The following LIG1 variants were observed in gnomAD, a reference collection of about 807,000 sequenced individuals.
The protein encoded by LIG1 is ligase I, DNA, ATP-dependent.
A neutral mutation model predicts 115.7 loss-of-function variants in LIG1; 70 were observed. The ratio of observed to expected loss-of-function variants is 0.60; its 90% CI spans 0.50 to 0.74. The LOEUF (loss-of-function observed/expected upper bound fraction) is 0.74. Ranked by LOEUF, LIG1 falls within the 30% of genes least tolerant of loss-of-function variation. The pLI, the probability that LIG1 is intolerant of heterozygous loss-of-function variation, is 0.00. For missense variants in LIG1, 1,115 were observed against 1,225.6 expected (o/e 0.91, Z 1.35); for synonymous variants, 487 against 495.3 (o/e 0.98, Z 0.22).
chr19:48,155,140 A>G (rs1237887387), intron 5 of LIG1, among the ~76,000 whole-genome samples: 1 of 151,952 alleles, frequency 6.6e-6, no homozygotes, highest in Non-Finnish European at 1.5e-5. Flanking sequence ...CCTCAGCCAC[A>G]CTGTGACTTC....
rs143937703 is a variant in LIG1 at position 48,161,453 on chromosome 19, C to A, written c.162G>T (p.Lys54Asn). The change falls in exon 4 of 28, where the codon AAG becomes AAT. Residue 54 changes from lysine (K) to asparagine (N), a missense_variant. Physicochemically the swap from Lys to Asn is moderately conservative, Grantham distance 94. Coordinates refer to ENST00000263274, the MANE Select transcript of LIG1 (RefSeq NM_000234.3). Reference protein sequence around the residue: ...GVVSESDSPVKRPGRKAARVL... With the variant: ...GVVSESDSPVNRPGRKAARVL... ...CCCGGGCCGCCTTCCTCCCTGGCCTCTTCACCGGAGAGTCACTCTCGGACA... is the reference window on the plus strand; with the variant it reads ...CCCGGGCCGCCTTCCTCCCTGGCCTATTCACCGGAGAGTCACTCTCGGACA... 6.2e-7 allele frequency: 1 copy of A among 1,614,180 alleles called. No homozygotes were observed. The highest frequency in any genetic ancestry group is 1.3e-5 in the African/African-American group (1 of 75,036).
chr19:48,142,444 A>AAAAAAAAAAAAAAAAAAC (rs1370125052), intron 11 of LIG1, among the ~76,000 whole-genome samples: 1,538 of 104,642 alleles, frequency 0.015, 110 homozygotes, highest in African/African-American at 0.071. Context: ...CTCCATCTCA[A>AAAAAAAAAAAAAAAAAAC]AAAAAAAAAA....
chr19:48,145,503 G>C (rs538981877), intron 9 of LIG1, among the ~76,000 whole-genome samples: 15 of 152,166 alleles, frequency 9.9e-5, no homozygotes, highest in Non-Finnish European at 1.8e-4. Flanking sequence ...GGTTGGGGGG[G>C]AGAAAGAGAC....
At chr19:48,123,489 C>T (rs562392879) in intron 21 of LIG1, 171 bp from the exon 22 acceptor site, 7 of 754,912 alleles carry the variant, frequency 9.3e-6, no homozygotes. Flanking sequence ...GAGCTTAAAG[C>T]ATGGGGCTAG....
intron 20 of LIG1, 84 bp from the exon 21 acceptor site, chr19:48,127,432 G>T (rs2033743845): frequency 1.6e-6 from 2 of 1,233,908 alleles, no homozygotes; most frequent in Admixed American, 3.6e-5. Flanking sequence ...TCATCTACCG[G>T]TCTCCCTCTC....
In LIG1 at chr19:48,130,907, T is replaced by C. The variant is rs2241721; in HGVS notation, c.1821+169A>G. ...CACCTCTAGATGTGAGAAAAAATCA[T>C]ATGGGCTTACACCACGCAGGACTGA... On this transcript the variant is annotated intron_variant, in intron 19 of 27. Transcript: ENST00000263274. Among the ~76,000 whole-genome samples the C allele has an allele frequency of 0.3, 45,906 of 152,044 alleles. 7,979 individuals are homozygous for C. Among genetic ancestry groups the C allele is most frequent in the East Asian group, 0.56 (2,854 of 5,138 alleles).
At chr19:48,165,838 C>A in intron 1 of LIG1, 1 of 586,122 alleles carries the variant, frequency 1.7e-6, no homozygotes, top group Non-Finnish European at 3.0e-6. Context: ...AGATAAGAGG[C>A]CTCCTTTACC....
intron 9 of LIG1, 84 bp from the exon 10 acceptor site, chr19:48,144,047 C>T (rs1366425542): frequency 9.1e-7 from 1 of 1,103,840 alleles, no homozygotes; most frequent in Admixed American, 1.7e-5. Context: ...GTGCCAGGCT[C>T]TGTTCAAGGC....
chr19:48,134,620 T>C (rs1243708659), intron 16 of LIG1, among the ~76,000 whole-genome samples: 3 of 152,380 alleles, frequency 2.0e-5, no homozygotes, highest in East Asian at 3.9e-4. Flanking sequence ...ATTGTGCTGC[T>C]GCACTCCAGC....
At chr19:48,142,164 G>A (rs966419772) in intron 11 of LIG1, among the ~76,000 whole-genome samples, 3 of 151,988 alleles carry the variant, frequency 2.0e-5, no homozygotes, top group Non-Finnish European at 2.9e-5. Context: ...AGGGCCGGGC[G>A]CGGTGGCTCA....
intron 11 of LIG1, among the ~76,000 whole-genome samples, chr19:48,140,575 A>C (rs186538574): frequency 6.6e-6 from 1 of 152,334 alleles, no homozygotes; most frequent in African/African-American, 2.4e-5. Flanking sequence ...CTACAAGATT[A>C]GAAATTTAGG....
chr19:48,115,707 C>T lies in LIG1; in HGVS notation c.2702G>A (p.Ser901Asn). Residue 901 changes from serine (S) to asparagine (N), a missense_variant, in exon 28 of 28, where the codon AGT (serine) becomes AAT (asparagine). Coordinates refer to ENST00000263274, the MANE Select transcript of LIG1 (RefSeq NM_000234.3). ...AQVACLYRKQ[S>N]QIQNQQGEDS... ...CTCGCCTTGTTGGTTCTGAATCTGA[C>T]TTTGCTTCCGGTACAAACAGGCCAC... is the stretch of plus-strand genomic sequence containing the variant. 2 of 1,614,224 alleles carry T rather than the reference C, an allele frequency of 1.2e-6. No homozygotes were observed.
chr19:48,153,738 TCACACACA>T (rs10625177), intron 6 of LIG1, 126 bp downstream of exon 6: 85 of 415,794 alleles, frequency 2.0e-4, no homozygotes, highest in African/African-American at 1.2e-3. Flanking sequence ...CCTCTTGGCT[TCACACACA>T]CACACACACA....
At chr19:48,133,956 T>C in intron 17 of LIG1, 25 bp downstream of exon 17, 1 of 1,545,036 alleles carries the variant, frequency 6.5e-7, no homozygotes, top group Non-Finnish European at 8.8e-7. Flanking sequence ...GCTGCCAGGC[T>C]GGTGAGCGCC....
chr19:48,116,671 C>T lies in LIG1; in HGVS notation c.2584-706G>A, dbSNP rs571306007. 1.2e-4 allele frequency among the ~76,000 whole-genome samples: 19 copies of T among 152,194 alleles called. 1 individual carries two copies. The highest frequency in any genetic ancestry group is 3.6e-4 in the African/African-American group (15 of 41,528). The stretch of plus-strand genomic sequence containing the variant: ...TAAAATGGAGATGTTTGTGTCACTA[C>T]GTCTTACGGATTTTGAGAGGATTAA... On this transcript the variant is annotated intron_variant, in intron 26 of 27. Coordinates refer to ENST00000263274, the MANE Select transcript of LIG1 (RefSeq NM_000234.3).
chr19:48,127,874 C>T (rs3731004), intron 20 of LIG1, 36 bp downstream of exon 20: 39 of 1,540,214 alleles, frequency 2.5e-5, no homozygotes, highest in Admixed American at 8.3e-5. Context: ...TGAGGAAGTA[C>T]GGGGCCTTGG....
At chr19:48,134,211 C>G in intron 16 of LIG1, 145 bp from the exon 17 acceptor site, 2 of 694,724 alleles carry the variant, frequency 2.9e-6, no homozygotes, top group Non-Finnish European at 5.2e-6. Context: ...CTCTTGCCAC[C>G]CTGTCTCTGT....
At position 48,156,967 on chromosome 19, in the gene LIG1, AAAAG is replaced by A. The variant is rs750875006; in HGVS notation, c.370+43_370+46del. On this transcript the variant is annotated intron_variant, in intron 5 of 27. Transcript: ENST00000263274. Reference sequence around the variant, plus strand: ...AAAAAAAAAAAAAAAAAAAAAGAGAAAAAGAAAGGCAGGCGACTGAAGGGGCAGG... The same window carrying A: ...AAAAAAAAAAAAAAAAAAAAAGAGAAAAAGGCAGGCGACTGAAGGGGCAGG... The A allele has an allele frequency of 8.4e-6, 12 of 1,432,930 alleles. No individual in the cohort carries two copies. The East Asian group carries it at 2.2e-4, about 26-fold the overall frequency. 88.8% of individuals were successfully genotyped at this position (1,432,930 alleles called of 1,614,324 possible). A position where few individuals can be genotyped will look rare whatever the true frequency, so the allele number is the denominator to read the frequency against.
At chr19:48,133,627 C>T in intron 17 of LIG1, 1 of 350,348 alleles carries the variant, frequency 2.9e-6, no homozygotes, top group Non-Finnish European at 5.5e-6. Flanking sequence ...TTTATTGTCT[C>T]ACTCTGTCGC....
Sources: allele counts gnomAD v4.1 joint callset (sites outside exome capture counted in the v4.1 genomes callset), GRCh38; gene constraint gnomAD v4.1.1; transcripts MANE v1.5; gene names NCBI Gene and HGNC (gene_info 2026-07-23, HGNC 2026-07-21).